The following TFDP2 variants were observed in gnomAD, a reference collection of about 807,000 sequenced individuals.
The protein encoded by TFDP2 is transcription factor Dp-2.
Under a neutral mutation model 59.3 loss-of-function variants are expected in TFDP2, and 17 were observed. That is an observed-to-expected ratio of 0.29 (90% CI 0.20 to 0.43). The LOEUF is 0.43. TFDP2 is among the 20% of genes least tolerant of loss of function. The pLI is 1.00. For synonymous variants in TFDP2, 180 were observed against 194.7 expected, an observed-to-expected ratio of 0.92 and a Z score of 0.63; for missense variants, 391 against 528.8, an observed-to-expected ratio of 0.74 and a Z score of 2.56.
At chr3:142,120,665 C>T in intron 1 of TFDP2, among the ~76,000 whole-genome samples, 1 of 152,064 alleles carries the variant, frequency 6.6e-6, no homozygotes, top group Non-Finnish European at 1.5e-5. Flanking sequence ...TAGCTTTTTC[C>T]TAAGATATTT....
intron 8 of TFDP2, 109 bp from the exon 9 acceptor site, chr3:141,970,250 C>G (rs942825216): frequency 2.0e-6 from 2 of 982,942 alleles, no homozygotes; most frequent in Admixed American, 4.0e-5. Context: ...GAAACTGAAC[C>G]CATTTTAACA....
intron 1 of TFDP2, among the ~76,000 whole-genome samples, chr3:142,108,672 T>C (rs1420931104): frequency 6.6e-6 from 1 of 152,240 alleles, no homozygotes; most frequent in African/African-American, 2.4e-5. Flanking sequence ...GACAGATATT[T>C]AGATTTCATA....
chr3:142,111,833 A>C (rs1021570689), intron 1 of TFDP2, among the ~76,000 whole-genome samples: 3 of 152,204 alleles, frequency 2.0e-5, no homozygotes, highest in African/African-American at 7.2e-5. Context: ...TGGGGGGCTG[A>C]GGCAGGAAGA....
chr3:142,099,606 A>C (rs1475754419), intron 2 of TFDP2, among the ~76,000 whole-genome samples: 1 of 151,958 alleles, frequency 6.6e-6, no homozygotes, highest in Non-Finnish European at 1.5e-5. Flanking sequence ...AGGCTGAGGC[A>C]GGAGAATCAC....
chr3:142,042,453 G>A (rs1056052645), intron 3 of TFDP2, among the ~76,000 whole-genome samples: 2 of 151,706 alleles, frequency 1.3e-5, no homozygotes, highest in Middle Eastern at 3.4e-3. Flanking sequence ...CACCACGCCC[G>A]GCTAATTTTT....
chr3:142,094,066 A>G (rs765798114), intron 2 of TFDP2: 1 of 324,884 alleles, frequency 3.1e-6, no homozygotes, highest in Non-Finnish European at 6.3e-6. Context: ...GGCATCACAG[A>G]GCTGAATACA....
chr3:141,979,266 TAA>T (rs1348996572), intron 6 of TFDP2, among the ~76,000 whole-genome samples: 2 of 152,344 alleles, frequency 1.3e-5, no homozygotes, highest in East Asian at 3.8e-4. Context: ...GCCAGTCCTA[TAA>T]AAGTCTAGCA....
rs977842106 is a variant in TFDP2 at position 142,109,362 on chromosome 3, G to A, written c.-92-7521C>T. On this transcript the variant is annotated intron_variant, in intron 1 of 12. Coordinates refer to ENST00000489671, the MANE Select transcript of TFDP2 (RefSeq NM_001178139.2). ...TTTTTTTTTTTTGAGATGGAGTCTCGCTGTCACCCAGGCTAGAGGGCAACG... is the reference window on the plus strand; with the variant it reads ...TTTTTTTTTTTTGAGATGGAGTCTCACTGTCACCCAGGCTAGAGGGCAACG... Among the ~76,000 whole-genome samples, 28 of 145,350 alleles carry A rather than the reference G, an allele frequency of 1.9e-4. 1 individual carries two copies. Among genetic ancestry groups the A allele is most frequent in the Middle Eastern group, 7.2e-3 (2 of 278 alleles).
intron 3 of TFDP2, among the ~76,000 whole-genome samples, chr3:142,067,140 C>G (rs2060098399): frequency 1.3e-5 from 2 of 152,098 alleles, no homozygotes; most frequent in African/African-American, 4.8e-5. Flanking sequence ...AAACCTTGTG[C>G]TGAAAGTCCT....
chr3:141,979,382 G>T (rs748640258), intron 6 of TFDP2, among the ~76,000 whole-genome samples: 1 of 152,080 alleles, frequency 6.6e-6, no homozygotes, highest in East Asian at 1.9e-4. Flanking sequence ...ACTTTAGAGC[G>T]TACTTCTTCA....
rs1935469351 is a variant in TFDP2, at chr3:141,948,239, A to G, written c.*4274T>C. ...TATTAAAGGGCCCTTGAAAGGAAATAATTTTTAAAAAGCTAAATAGAGCCG... is the reference window on the plus strand; with the variant it reads ...TATTAAAGGGCCCTTGAAAGGAAATGATTTTTAAAAAGCTAAATAGAGCCG... On this transcript the variant is annotated 3_prime_UTR_variant, in exon 13 of 13. Transcript: ENST00000489671. 6.6e-6 allele frequency: 1 copy of G among 152,160 alleles called. No individual in the cohort carries two copies. Among genetic ancestry groups the G allele is most frequent in the Non-Finnish European group, 1.5e-5 (1 of 68,062 alleles). 9.4% of individuals were successfully genotyped at this position (152,160 alleles called of 1,614,324 possible).
intron 3 of TFDP2, among the ~76,000 whole-genome samples, chr3:142,075,971 G>A (rs904812951): frequency 2.7e-5 from 4 of 150,574 alleles, no homozygotes; most frequent in African/African-American, 9.8e-5. Context: ...AGCACTTCAG[G>A]AGGCTGAGGC....
intron 1 of TFDP2, among the ~76,000 whole-genome samples, chr3:142,115,223 T>C (rs2061808691): frequency 6.6e-6 from 1 of 151,830 alleles, no homozygotes; most frequent in Non-Finnish European, 1.5e-5. Context: ...ATAAAGAAAA[T>C]CTCCGCATCT....
In TFDP2 at chr3:141,947,400, A is replaced by G. The variant is rs978088411; in HGVS notation, c.*5113T>C. 5 of 151,970 alleles carry G rather than the reference A, an allele frequency of 3.3e-5. No individual in the cohort carries two copies. Among genetic ancestry groups the G allele is most frequent in the Admixed American group, 2.0e-4 (3 of 15,234 alleles). The allele number at this position is 151,970 out of a possible 1,614,324, so 9.4% of individuals were successfully genotyped here. A position where few individuals can be genotyped will look rare whatever the true frequency, so the allele number is the denominator to read the frequency against. ...ACACGTAAAATAGTTCTCAATTTCT[A>G]ATCATTTTTCTTTCTTTCTTTTTTC... is the stretch of plus-strand genomic sequence containing the variant. On this transcript the variant is annotated 3_prime_UTR_variant, in exon 13 of 13. Coordinates refer to ENST00000489671, the MANE Select transcript of TFDP2 (RefSeq NM_001178139.2).
chr3:141,981,161 C>G (rs1559967614), intron 6 of TFDP2, among the ~76,000 whole-genome samples: 1 of 152,072 alleles, frequency 6.6e-6, no homozygotes, highest in Non-Finnish European at 1.5e-5. Flanking sequence ...GGTATTTTTA[C>G]TCTACTTTTT....
At chr3:142,048,373 G>C (rs575656709) in intron 3 of TFDP2, among the ~76,000 whole-genome samples, 1 of 150,322 alleles carries the variant, frequency 6.7e-6, no homozygotes, top group African/African-American at 2.5e-5. Context: ...AATTTATACC[G>C]CTATACTCCA....
At chr3:142,148,698 TG>T (rs1318419125) in intron 1 of TFDP2, among the ~76,000 whole-genome samples, 1 of 152,198 alleles carries the variant, frequency 6.6e-6, no homozygotes, top group African/African-American at 2.4e-5. Context: ...CAAAGGAGTC[TG>T]GGCCCAAAAA....
chr3:142,046,416 C>T (rs1947348020), intron 3 of TFDP2, among the ~76,000 whole-genome samples: 1 of 152,140 alleles, frequency 6.6e-6, no homozygotes, highest in South Asian at 2.1e-4. Context: ...TTCTCTTTGC[C>T]CCTTCTCACC....
At chr3:141,970,212 C>A in intron 8 of TFDP2, 71 bp from the exon 9 acceptor site, 1 of 1,430,022 alleles carries the variant, frequency 7.0e-7, no homozygotes, top group South Asian at 1.2e-5. Context: ...TTCCAGGTCC[C>A]TATTCTGAGA....
Sources: allele counts gnomAD v4.1 joint callset (sites outside exome capture counted in the v4.1 genomes callset), GRCh38; gene constraint gnomAD v4.1.1; transcripts MANE v1.5; gene names NCBI Gene and HGNC (gene_info 2026-07-23, HGNC 2026-07-21).